RASA2: variants seen among roughly 807,000 people sequenced by gnomAD.
The protein encoded by RASA2 is ras GTPase-activating protein 2.
Under a neutral mutation model 118.2 loss-of-function variants are expected in RASA2, and 155 were observed. That is an observed-to-expected ratio of 1.31 (90% CI 1.15 to 1.50). The LOEUF is 1.50. Among genes scored for constraint, RASA2 ranks in the 40% most tolerant of loss-of-function variants. The pLI is 0.00. For missense variants in RASA2, 1,016 were observed against 1,009.6 expected, an observed-to-expected ratio of 1.01 and a Z score of -0.09; for synonymous variants, 353 against 349.1, an observed-to-expected ratio of 1.01 and a Z score of -0.12.
chr3:141,488,236 C>T (rs1190873207), intron 1 of RASA2, among the ~76,000 whole-genome samples: 1 of 151,916 alleles, frequency 6.6e-6, no homozygotes, highest in Non-Finnish European at 1.5e-5. Flanking sequence ...AGATCAATAA[C>T]ATTTATTTTT....
At chr3:141,604,645 T>A (rs1332802847) in intron 19 of RASA2, among the ~76,000 whole-genome samples, 1 of 152,084 alleles carries the variant, frequency 6.6e-6, no homozygotes, top group East Asian at 1.9e-4. Flanking sequence ...ATAACACATC[T>A]TTTTCCTGGA....
At chr3:141,597,412 A>G (rs1266915250) in intron 19 of RASA2, among the ~76,000 whole-genome samples, 1 of 152,178 alleles carries the variant, frequency 6.6e-6, no homozygotes, top group East Asian at 1.9e-4. Context: ...AGGTATAGGA[A>G]CAGAAAGTAG....
chr3:141,488,851 G>T (rs1205781469), intron 1 of RASA2, among the ~76,000 whole-genome samples: 6 of 152,048 alleles, frequency 3.9e-5, no homozygotes, highest in Non-Finnish European at 8.8e-5. Context: ...CTTGATGCTA[G>T]GCATTGTCTA....
intron 4 of RASA2, 88 bp downstream of exon 4, chr3:141,529,890 C>T (rs574665596): frequency 6.5e-5 from 61 of 944,020 alleles, no homozygotes; most frequent in Non-Finnish European, 9.5e-5. Flanking sequence ...GTAAATAGAG[C>T]ATATTATACC....
Position 141,487,160 on chromosome 3 carries a change from C to T in RASA2, c.77C>T (p.Ala26Val). Residue 26 changes from alanine to valine, a missense_variant, in exon 1 of 24, where the codon GCC (alanine) becomes GTC (valine). This residue lies in a region of RASA2 where 896 missense variants were observed against 836.4 expected (regional missense o/e 1.07). Coordinates refer to ENST00000286364, the MANE Select transcript of RASA2 (RefSeq NM_006506.5). ...PAASATAEPE[A>V]GDQDSREVRV... ...GCGAGTGCGACTGCAGAGCCCGAGG[C>T]CGGGGACCAGGACAGTCGCGAGGTT... is the stretch of plus-strand genomic sequence containing the variant. The T allele has an allele frequency of 4.8e-6, 7 of 1,470,268 alleles. No homozygotes were observed. The highest frequency in any genetic ancestry group is 5.4e-6 in the Non-Finnish European group (6 of 1,103,418). The allele number at this position is 1,470,268 out of a possible 1,614,324, so 91.1% of individuals were successfully genotyped here. A position where few individuals can be genotyped will look rare whatever the true frequency, so the allele number is the denominator to read the frequency against.
At chr3:141,504,769 G>A (rs1471884010) in intron 1 of RASA2, among the ~76,000 whole-genome samples, 2 of 152,076 alleles carry the variant, frequency 1.3e-5, no homozygotes, top group East Asian at 3.9e-4. Flanking sequence ...ACTTTCCCGT[G>A]CCTGTAAGAC....
At chr3:141,504,044 A>C (rs919790995) in intron 1 of RASA2, among the ~76,000 whole-genome samples, 4 of 152,196 alleles carry the variant, frequency 2.6e-5, no homozygotes, top group Non-Finnish European at 4.4e-5. Flanking sequence ...ACACGCATTG[A>C]TACTTATTCA....
chr3:141,498,697 CT>C lies in RASA2; in HGVS notation c.133+11482del, dbSNP rs1448000018. On this transcript the variant is annotated intron_variant, in intron 1 of 23. Transcript: ENST00000286364. ...TCAATATGAATCCTATTTTGGCCCC[CT>C]GGATGCTGTCACCAGAAATAACAGC... Among the ~76,000 whole-genome samples the C allele has an allele frequency of 1.5e-3, 228 of 152,248 alleles. 1 individual carries two copies. Among genetic ancestry groups the C allele is most frequent in the African/African-American group, 5.2e-3 (214 of 41,544 alleles).
At chr3:141,522,741 C>T (rs1313187274) in intron 3 of RASA2, among the ~76,000 whole-genome samples, 1 of 152,152 alleles carries the variant, frequency 6.6e-6, no homozygotes, top group Admixed American at 6.5e-5. Context: ...GATACTTCTT[C>T]ACCCCGTACA....
chr3:141,529,397 T>C lies in RASA2; in HGVS notation c.356-311T>C, dbSNP rs369063733. Among the ~76,000 whole-genome samples, 7 of 152,178 alleles carry C rather than the reference T, an allele frequency of 4.6e-5. No homozygotes were observed. The South Asian group carries it at 1.4e-3, about 32-fold the overall frequency. Reference sequence around the variant, plus strand: ...ATTGTACCTTGCTTTTTATAATGAGTGTACTCTGGGTAAAAACATGAATCT... The same window carrying C: ...ATTGTACCTTGCTTTTTATAATGAGCGTACTCTGGGTAAAAACATGAATCT... On this transcript the variant is annotated intron_variant, in intron 3 of 23. Transcript: ENST00000286364.
intron 6 of RASA2, among the ~76,000 whole-genome samples, chr3:141,555,033 G>A (rs1653232862): frequency 6.6e-6 from 1 of 152,066 alleles, no homozygotes; most frequent in East Asian, 1.9e-4. Flanking sequence ...AGGCCGAGGC[G>A]GGTGGATTAC....
chr3:141,559,743 G>C (rs2082702575), intron 8 of RASA2, 151 bp from the exon 9 acceptor site: 1 of 582,422 alleles, frequency 1.7e-6, no homozygotes, highest in African/African-American at 1.9e-5. Context: ...TCTCTAGTCT[G>C]GATAGTGAGG....
rs183585240 is a variant in RASA2 at position 141,535,219 on chromosome 3, C to T, written c.451-5314C>T. On this transcript the variant is annotated intron_variant, in intron 4 of 23. Transcript: ENST00000286364. ...ATTGTTATTTAAGACATATTGCACA[C>T]TTAATAGACTGCAATATAGTATAAA... 5.2e-3 allele frequency among the ~76,000 whole-genome samples: 794 copies of T among 152,238 alleles called. 5 individuals carry two copies. The highest frequency in any genetic ancestry group is 7.2e-3 in the Non-Finnish European group (490 of 68,018).
chr3:141,521,716 ATTCT>A (rs1050761028), intron 3 of RASA2, among the ~76,000 whole-genome samples: 118 of 152,222 alleles, frequency 7.8e-4, no homozygotes, highest in African/African-American at 2.7e-3. Flanking sequence ...TTAAATGTTT[ATTCT>A]TTCTAAGGGA....
intron 19 of RASA2, among the ~76,000 whole-genome samples, chr3:141,606,035 T>G (rs1308877294): frequency 6.6e-6 from 1 of 152,178 alleles, no homozygotes; most frequent in African/African-American, 2.4e-5. Context: ...AGCACAAACC[T>G]GGGAATGGGG....
At chr3:141,526,605 G>A (rs1473257122) in intron 3 of RASA2, among the ~76,000 whole-genome samples, 1 of 151,920 alleles carries the variant, frequency 6.6e-6, no homozygotes, top group Non-Finnish European at 1.5e-5. Flanking sequence ...TAATTTTCCT[G>A]TGCCATTCTT....
At chr3:141,513,065 GAAA>G (rs771710205) in intron 2 of RASA2, among the ~76,000 whole-genome samples, 52 of 110,632 alleles carry the variant, frequency 4.7e-4, no homozygotes, top group Non-Finnish European at 7.1e-4. Flanking sequence ...CTCCATCTCA[GAAA>G]AAAAAAAAAA....
At chr3:141,544,608 T>C (rs1317912046) in intron 5 of RASA2, among the ~76,000 whole-genome samples, 1 of 152,238 alleles carries the variant, frequency 6.6e-6, no homozygotes. Context: ...AAAATTTATA[T>C]TTGATTCTTC....
chr3:141,520,560 TTATAA>T (rs2082096354), intron 3 of RASA2, among the ~76,000 whole-genome samples: 4 of 151,946 alleles, frequency 2.6e-5, no homozygotes, highest in Admixed American at 2.6e-4. Context: ...TGTGTGTGTG[TTATAA>T]TATACATGCA....
Sources: gnomAD v4.1 joint callset for allele counts (sites outside exome capture counted in the v4.1 genomes callset) on GRCh38, gnomAD v4.1.1 for gene constraint, gnomAD v4.1.1 regional missense constraint, MANE v1.5 for transcripts, NCBI Gene and HGNC (gene_info 2026-07-23, HGNC 2026-07-21) for gene names.